SNTG1: variants seen among roughly 807,000 people sequenced by gnomAD.
The protein encoded by SNTG1 is syntrophin gamma 1.
A neutral mutation model predicts 74.7 loss-of-function variants in SNTG1; 39 were observed. The observed-to-expected ratio is 0.52, with a 90% CI of 0.40 to 0.68. The LOEUF (loss-of-function observed/expected upper bound fraction) is 0.68. Among genes scored for constraint, SNTG1 ranks in the 30% least tolerant of loss-of-function variants. The probability of loss-of-function intolerance (pLI) is 0.00; values close to 1 mark genes in which losing one functional copy is unlikely to be tolerated. For synonymous variants in SNTG1, 254 were observed against 217.1 expected (o/e 1.17, Z -1.49); for missense variants, 685 against 609.5 (o/e 1.12, Z -1.30).
At chr8:50,597,402 T>C (rs906852760) in intron 13 of SNTG1, among the ~76,000 whole-genome samples, 1 of 144,974 alleles carries the variant, frequency 6.9e-6, no homozygotes, top group Admixed American at 6.9e-5. Flanking sequence ...TATATACATA[T>C]ATACATATAT....
intron 1 of SNTG1, among the ~76,000 whole-genome samples, chr8:49,925,654 T>G (rs1043095813): frequency 2.0e-5 from 3 of 152,342 alleles, no homozygotes; most frequent in Admixed American, 2.0e-4. Context: ...TCTACAATTT[T>G]GTCATTTTGA....
intron 1 of SNTG1, among the ~76,000 whole-genome samples, chr8:50,003,566 T>C (rs576375462): frequency 1.3e-5 from 2 of 152,272 alleles, no homozygotes; most frequent in East Asian, 3.9e-4. Flanking sequence ...TTATGGAATT[T>C]TTTGTCTTAC....
intron 18 of SNTG1, among the ~76,000 whole-genome samples, chr8:50,770,671 T>C (rs1013699876): frequency 6.6e-6 from 1 of 152,098 alleles, no homozygotes; most frequent in African/African-American, 2.4e-5. Context: ...AATTTGATTC[T>C]CAATGTGACA....
intron 2 of SNTG1, among the ~76,000 whole-genome samples, chr8:50,317,125 A>G (rs904203576): frequency 6.6e-6 from 1 of 152,026 alleles, no homozygotes. Flanking sequence ...CCTTAGGGGG[A>G]TTATTTCCTT....
intron 1 of SNTG1, among the ~76,000 whole-genome samples, chr8:50,135,803 G>A (rs1393257158): frequency 6.6e-6 from 1 of 152,062 alleles, no homozygotes; most frequent in African/African-American, 2.4e-5. Context: ...CTACATTTAG[G>A]TAAACTGCAT....
At chr8:50,542,092 A>C (rs796446446) in intron 11 of SNTG1, among the ~76,000 whole-genome samples, 1 of 109,250 alleles carries the variant, frequency 9.2e-6, no homozygotes, top group South Asian at 2.9e-4. Flanking sequence ...CATATATATG[A>C]ATGTAGTATA....
chr8:50,379,511 G>C (rs117388246), intron 2 of SNTG1, among the ~76,000 whole-genome samples: 7,660 of 152,210 alleles, frequency 0.05, 257 homozygotes, highest in Non-Finnish European at 0.071. Context: ...GCAGCAGCAT[G>C]TGGGGAGCTC....
At chr8:50,333,729 C>T (rs912478140) in intron 2 of SNTG1, among the ~76,000 whole-genome samples, 2 of 152,104 alleles carry the variant, frequency 1.3e-5, no homozygotes, top group African/African-American at 4.8e-5. Context: ...ATGAGGCCAA[C>T]GTTGTTTCCA....
intron 8 of SNTG1, among the ~76,000 whole-genome samples, chr8:50,493,809 A>G (rs921642740): frequency 3.3e-5 from 5 of 150,668 alleles, no homozygotes; most frequent in Non-Finnish European, 5.9e-5. Context: ...ACAACTGGTA[A>G]TTGCTGAAAA....
At chr8:49,982,588 C>T (rs1812781164) in intron 1 of SNTG1, among the ~76,000 whole-genome samples, 1 of 139,630 alleles carries the variant, frequency 7.2e-6, no homozygotes. Flanking sequence ...ATCCCAGCTA[C>T]TCAGGAGGCT....
At chr8:50,216,675 TAAG>T (rs1261361793) in intron 2 of SNTG1, among the ~76,000 whole-genome samples, 3 of 152,144 alleles carry the variant, frequency 2.0e-5, no homozygotes. Context: ...TGTTGGCAAT[TAAG>T]AAAAATAACC....
At chr8:50,752,951 C>T (rs2095571391) in intron 18 of SNTG1, among the ~76,000 whole-genome samples, 1 of 151,984 alleles carries the variant, frequency 6.6e-6, no homozygotes, top group Non-Finnish European at 1.5e-5. Context: ...TTGTCTCTTA[C>T]TTGTCTTTGG....
chr8:50,564,540 T>C (rs1249542723), intron 12 of SNTG1, among the ~76,000 whole-genome samples: 1 of 152,088 alleles, frequency 6.6e-6, no homozygotes, highest in Non-Finnish European at 1.5e-5. Context: ...AATTACTAAA[T>C]ACTCAAAGGG....
chr8:50,464,321 T>C (rs539748767), intron 8 of SNTG1, among the ~76,000 whole-genome samples: 2 of 152,306 alleles, frequency 1.3e-5, no homozygotes, highest in South Asian at 4.1e-4. Context: ...TTGCCCTATT[T>C]TGCCTTCCAA....
At chr8:49,975,389 T>C (rs1812097240) in intron 1 of SNTG1, among the ~76,000 whole-genome samples, 1 of 152,206 alleles carries the variant, frequency 6.6e-6, no homozygotes, top group Non-Finnish European at 1.5e-5. Flanking sequence ...ATGTTGGTGA[T>C]ATGATACAAA....
chr8:50,150,503 C>A (rs1317309060), intron 1 of SNTG1, among the ~76,000 whole-genome samples: 3 of 152,120 alleles, frequency 2.0e-5, no homozygotes, highest in Non-Finnish European at 4.4e-5. Context: ...CAGTTTTTGC[C>A]CTTTCAGTAT....
intron 8 of SNTG1, among the ~76,000 whole-genome samples, chr8:50,454,278 C>T (rs187926912): frequency 6.6e-6 from 1 of 151,414 alleles, no homozygotes; most frequent in Non-Finnish European, 1.5e-5. Flanking sequence ...GGGCAGATCA[C>T]GAGGTCAGGA....
intron 2 of SNTG1, among the ~76,000 whole-genome samples, chr8:50,191,060 A>G (rs1326228859): frequency 1.3e-5 from 2 of 152,134 alleles, no homozygotes; most frequent in Non-Finnish European, 1.5e-5. Context: ...TTTACCATTC[A>G]GAATTCTCTA....
At chr8:50,209,472 G>A (rs552550933) in intron 2 of SNTG1, among the ~76,000 whole-genome samples, 1 of 152,296 alleles carries the variant, frequency 6.6e-6, no homozygotes, top group Admixed American at 6.5e-5. Flanking sequence ...ACACCTCCCA[G>A]TAGGGGCCGA....
Sources: gnomAD v4.1 joint callset for allele counts (sites outside exome capture counted in the v4.1 genomes callset) on GRCh38, gnomAD v4.1.1 for gene constraint, MANE v1.5 for transcripts, NCBI Gene and HGNC (gene_info 2026-07-23, HGNC 2026-07-21) for gene names.